The following SAMMSON variants were observed in gnomAD, a reference collection of about 807,000 sequenced individuals.
The protein encoded by SAMMSON is long intergenic non-protein coding RNA 1212.
intron 4 of SAMMSON, among the ~76,000 whole-genome samples, chr3:70,206,308 T>C (rs1701290333): frequency 6.6e-6 from 1 of 151,962 alleles, no homozygotes; most frequent in Admixed American, 6.6e-5. Flanking sequence ...CATAGCCCCA[T>C]AGCAATAATG....
chr3:70,274,127 G>T (rs892662092), intron 6 of SAMMSON, among the ~76,000 whole-genome samples: 1 of 150,756 alleles, frequency 6.6e-6, no homozygotes, highest in Admixed American at 6.6e-5. Flanking sequence ...CTGGGCTAAA[G>T]AAATACCTTT....
At chr3:70,350,841 C>T (rs976642930) in intron 7 of SAMMSON, among the ~76,000 whole-genome samples, 2 of 152,088 alleles carry the variant, frequency 1.3e-5, no homozygotes, top group Admixed American at 1.3e-4. Flanking sequence ...TCAGTAACAA[C>T]ATTTCTAAGG....
At chr3:70,235,105 T>C (rs1701594690) in intron 4 of SAMMSON, among the ~76,000 whole-genome samples, 2 of 152,196 alleles carry the variant, frequency 1.3e-5, no homozygotes, top group Admixed American at 1.3e-4. Flanking sequence ...TATGTTTTTT[T>C]CCAACCTCTA....
intron 1 of SAMMSON, among the ~76,000 whole-genome samples, chr3:70,002,555 C>T (rs2066910142): frequency 6.6e-6 from 1 of 151,314 alleles, no homozygotes; most frequent in Non-Finnish European, 1.5e-5. Context: ...ATTATTCTTA[C>T]ATCCAGTTTT....
chr3:70,304,271 A>G (rs1017217329), intron 7 of SAMMSON, among the ~76,000 whole-genome samples: 2 of 152,112 alleles, frequency 1.3e-5, no homozygotes, highest in Non-Finnish European at 2.9e-5. Flanking sequence ...TCTACCAGAA[A>G]TTTTATTTAA....
Position 70,012,202 on chromosome 3 carries a change from A to G in SAMMSON, n.23-155A>G, listed in dbSNP as rs577445613. 2.0e-5 allele frequency among the ~76,000 whole-genome samples: 3 copies of G among 152,212 alleles called. No individual in the cohort carries two copies. In the East Asian group the frequency reaches 5.8e-4, roughly 29 times the overall value. ...CCCTGGGGAAGGTAAAATCTCTTTT[A>G]CCTGCTATGGGAGTCAAAAAATGGC... On this transcript the variant is annotated intron_variant and non_coding_transcript_variant, in intron 1 of 9. Coordinates refer to ENST00000642114, the Ensembl canonical transcript of SAMMSON.
intron 7 of SAMMSON, among the ~76,000 whole-genome samples, chr3:70,293,613 G>A (rs1702261029): frequency 6.6e-6 from 1 of 152,052 alleles, no homozygotes; most frequent in Admixed American, 6.6e-5. Context: ...GATGGTGTTA[G>A]CTTGGTTTTT....
intron 4 of SAMMSON, among the ~76,000 whole-genome samples, chr3:70,159,431 G>A (rs1005150687): frequency 1.3e-5 from 2 of 151,852 alleles, no homozygotes; most frequent in Admixed American, 6.6e-5. Flanking sequence ...GATTGCTGGA[G>A]TTATGTGCTA....
intron 2 of SAMMSON, chr3:70,425,272 T>C (rs1701353210): frequency 6.6e-6 from 1 of 152,194 alleles, no homozygotes; most frequent in African/African-American, 2.4e-5. Context: ...TTTTTAGCAT[T>C]GCTATTCTCT....
intron 4 of SAMMSON, among the ~76,000 whole-genome samples, chr3:70,193,111 A>G (rs1039293243): frequency 6.6e-6 from 1 of 152,144 alleles, no homozygotes; most frequent in Non-Finnish European, 1.5e-5. Context: ...GCAAAAGCAG[A>G]GCTGTGAAGC....
At chr3:70,335,263 T>G (rs1702652419) in intron 7 of SAMMSON, among the ~76,000 whole-genome samples, 1 of 152,068 alleles carries the variant, frequency 6.6e-6, no homozygotes, top group South Asian at 2.1e-4. Flanking sequence ...CTATTTCGTT[T>G]CCTTCACTAT....
At chr3:70,210,579 A>G (rs1277466756) in intron 4 of SAMMSON, among the ~76,000 whole-genome samples, 6 of 152,142 alleles carry the variant, frequency 3.9e-5, no homozygotes, top group Non-Finnish European at 7.4e-5. Flanking sequence ...ACTGTAAAGT[A>G]GCATAAGCTC....
At chr3:70,083,848 C>G (rs916350071) in intron 4 of SAMMSON, among the ~76,000 whole-genome samples, 4 of 152,086 alleles carry the variant, frequency 2.6e-5, no homozygotes, top group African/African-American at 9.7e-5. Context: ...TATATTTTTG[C>G]ATGATTCATT....
chr3:70,309,481 T>A (rs1015410861), intron 7 of SAMMSON, among the ~76,000 whole-genome samples: 7 of 152,198 alleles, frequency 4.6e-5, no homozygotes, highest in African/African-American at 1.7e-4. Context: ...TCCCATAATC[T>A]CATAAAGCAA....
chr3:70,039,262 G>A (rs1332059305), intron 3 of SAMMSON, among the ~76,000 whole-genome samples: 2 of 152,128 alleles, frequency 1.3e-5, no homozygotes, highest in Non-Finnish European at 2.9e-5. Flanking sequence ...TCCAAATGGG[G>A]AGGGACTGGG....
At chr3:70,016,076 C>G (rs1168479620) in intron 3 of SAMMSON, among the ~76,000 whole-genome samples, 7 of 152,116 alleles carry the variant, frequency 4.6e-5, no homozygotes, top group Non-Finnish European at 1.5e-5. Flanking sequence ...TGGGTATATA[C>G]CCAGTAATGG....
At chr3:70,215,854 T>G (rs1332669200) in intron 4 of SAMMSON, among the ~76,000 whole-genome samples, 1 of 152,094 alleles carries the variant, frequency 6.6e-6, no homozygotes, top group Non-Finnish European at 1.5e-5. Context: ...GACTCATCCT[T>G]AGGGGAGGTT....
At chr3:70,084,313 C>T (rs2067278141) in intron 4 of SAMMSON, among the ~76,000 whole-genome samples, 1 of 152,114 alleles carries the variant, frequency 6.6e-6, no homozygotes, top group Admixed American at 6.5e-5. Flanking sequence ...AAGTGGCGAA[C>T]AAGAATGGAT....
chr3:70,364,025 GACA>G (rs1559573145), intron 9 of SAMMSON, among the ~76,000 whole-genome samples: 2 of 151,590 alleles, frequency 1.3e-5, no homozygotes. Flanking sequence ...CTTATCTGTT[GACA>G]TTCTCATTCC....
Sources: gnomAD v4.1 joint callset for allele counts (sites outside exome capture counted in the v4.1 genomes callset) on GRCh38, gnomAD v4.1.1 for gene constraint, MANE v1.5 for transcripts, NCBI Gene and HGNC (gene_info 2026-07-23, HGNC 2026-07-21) for gene names.